The following ZXDC variants were observed in gnomAD, a reference collection of about 807,000 sequenced individuals.
ZXDC encodes zinc finger protein ZXDC.
In ZXDC, 58 loss-of-function variants were observed where a neutral mutation model predicts 63.6. The observed-to-expected ratio is 0.91, with a 90% CI of 0.74 to 1.13. The LOEUF is 1.13. Ranked by LOEUF, ZXDC falls within the 50% of genes most tolerant of loss-of-function variation. The pLI, the probability that ZXDC is intolerant of heterozygous loss-of-function variation, is 0.00. For synonymous variants in ZXDC, 561 were observed against 496.1 expected (o/e 1.13, Z -1.74); for missense variants, 1,133 against 1,148.9 (o/e 0.99, Z 0.20).
rs1933513402 is a variant in ZXDC, at chr3:126,437,793, C to T, written c.*582G>A. ...CTCCGTAATAGGCCACTGAGGTCCT[C>T]TGTCCCACCACATCATCCTCCCCCG... On this transcript the variant is annotated 3_prime_UTR_variant, in exon 10 of 10. Transcript: ENST00000389709. The T allele has an allele frequency of 6.5e-6, 1 of 153,692 alleles. No homozygotes were observed. The highest frequency in any genetic ancestry group is 2.0e-4 in the South Asian group (1 of 4,900). The allele number at this position is 153,692 out of a possible 1,614,324, so 9.5% of individuals were successfully genotyped here.
intron 7 of ZXDC, chr3:126,450,144 C>G (rs1934040726): frequency 2.8e-6 from 1 of 358,714 alleles, no homozygotes; most frequent in African/African-American, 2.1e-5. Flanking sequence ...TGCAAGGGGT[C>G]TGAGACCCTC....
intron 8 of ZXDC, 166 bp downstream of exon 8, chr3:126,441,599 T>C: frequency 7.4e-7 from 1 of 1,352,734 alleles, no homozygotes; most frequent in South Asian, 2.0e-5. Context: ...GGAGCTGGGC[T>C]GTGAGGAGAC....
Position 126,475,710 on chromosome 3 carries a change from C to A in ZXDC, c.156G>T (p.Gly52=). 7.8e-7 allele frequency: 1 copy of A among 1,282,132 alleles called. No individual in the cohort carries two copies. The highest frequency in any genetic ancestry group is 9.8e-7 in the Non-Finnish European group (1 of 1,015,822). The allele number at this position is 1,282,132 out of a possible 1,614,324, so 79.4% of individuals were successfully genotyped here. ...GCCCGGAGGCCTCCCCGGGCCGCGCCCCGGGCCCGCCATCTTCAGGGCCCC... is the reference window on the plus strand; with the variant it reads ...GCCCGGAGGCCTCCCCGGGCCGCGCACCGGGCCCGCCATCTTCAGGGCCCC... ...LVRGPEDGGP[G]ARPGEASGPS... The change falls in exon 1 of 10, where the codon GGG becomes GGT. Residue 52 remains glycine, a synonymous_variant. Transcript: ENST00000389709.
chr3:126,470,241 T>A (rs1451112488), intron 4 of ZXDC, among the ~76,000 whole-genome samples: 2 of 152,092 alleles, frequency 1.3e-5, no homozygotes, highest in Non-Finnish European at 2.9e-5. Context: ...CCAAAGTGGG[T>A]GGATCACTTG....
intron 7 of ZXDC, chr3:126,457,278 C>T (rs1934345264): frequency 1.0e-6 from 1 of 985,406 alleles, no homozygotes; most frequent in Non-Finnish European, 1.2e-6. Context: ...CGGGCAAAGG[C>T]ATCCCCGCCA....
chr3:126,456,719 AGGACC>A (rs1156597081), intron 7 of ZXDC, among the ~76,000 whole-genome samples: 1 of 152,188 alleles, frequency 6.6e-6, no homozygotes, highest in East Asian at 1.9e-4. Flanking sequence ...GGTGGTCTTG[AGGACC>A]CCCAAGCTTG....
At chr3:126,467,469 C>A (rs936324043) in intron 4 of ZXDC, among the ~76,000 whole-genome samples, 1 of 152,154 alleles carries the variant, frequency 6.6e-6, no homozygotes, top group Non-Finnish European at 1.5e-5. Context: ...ACGACGCACT[C>A]GCGGCACCTT....
intron 7 of ZXDC, chr3:126,451,418 G>A: frequency 2.0e-6 from 2 of 985,380 alleles, no homozygotes; most frequent in Non-Finnish European, 2.4e-6. Flanking sequence ...GCAGCAGCAT[G>A]TGCAGCTTCA....
chr3:126,475,351 G>C lies in ZXDC; in HGVS notation c.515C>G (p.Thr172Arg). The change falls in exon 1 of 10, where the codon ACG (threonine) becomes AGG (arginine). Residue 172 changes from threonine to arginine, a missense_variant. Thr to Arg is a moderately conservative substitution (Grantham distance 71). Transcript: ENST00000389709. ...RRAPQASGPS[T>R]PGYRCPEPQC... Reference sequence around the variant, plus strand: ...CGGCTCGGGGCAGCGGTAGCCGGGCGTGCTGGGGCCGGAGGCCTGGGGCGC... The same window carrying C: ...CGGCTCGGGGCAGCGGTAGCCGGGCCTGCTGGGGCCGGAGGCCTGGGGCGC... 6.6e-7 allele frequency: 1 copy of C among 1,506,678 alleles called. No homozygotes were observed. Among genetic ancestry groups the C allele is most frequent in the Non-Finnish European group, 8.9e-7 (1 of 1,126,452 alleles). The allele number at this position is 1,506,678 out of a possible 1,614,324, so 93.3% of individuals were successfully genotyped here.
At chr3:126,440,615 C>T in intron 8 of ZXDC, 1 of 986,448 alleles carries the variant, frequency 1.0e-6, no homozygotes, top group Non-Finnish European at 1.2e-6. Context: ...GCAGTGTTTC[C>T]TTGGATGGTC....
chr3:126,461,998 G>C lies in ZXDC; in HGVS notation c.1664C>G (p.Ala555Gly), dbSNP rs1934568871. Residue 555 changes from alanine to glycine, a missense_variant, in exon 6 of 10, where the codon GCT becomes GGT. By Grantham distance (60) the Ala-to-Gly change is moderately conservative. Transcript: ENST00000389709. ...CATCGGCCCTAGGGAGCTATTATTAGCAGGGAGGTTCCCTCCCAGAGAGGA... is the reference window on the plus strand; with the variant it reads ...CATCGGCCCTAGGGAGCTATTATTACCAGGGAGGTTCCCTCCCAGAGAGGA... ...VSSSLGGNLP[A>G]NNSSLGPMEP... The C allele has an allele frequency of 1.2e-6, 2 of 1,614,036 alleles. No individual in the cohort carries two copies. Among genetic ancestry groups the C allele is most frequent in the Non-Finnish European group, 1.7e-6 (2 of 1,180,046 alleles).
chr3:126,453,324 A>G (rs2107638745), intron 7 of ZXDC: 1 of 985,472 alleles, frequency 1.0e-6, no homozygotes, highest in Non-Finnish European at 1.2e-6. Flanking sequence ...CCTAGGGGCC[A>G]TATCCCCTTA....
At chr3:126,454,030 A>G (rs1934213234) in intron 7 of ZXDC, 3 of 762,752 alleles carry the variant, frequency 3.9e-6, no homozygotes, top group African/African-American at 3.8e-5. Context: ...TATATTATGT[A>G]TATATATAGG....
chr3:126,466,152 G>A lies in ZXDC; in HGVS notation c.1441+3C>T, dbSNP rs1375595932. ...CCCCATGGGGGCCGTGGAAAGTGCA[G>A]ACCTTGGCGCCGGCTGTGCTGTCTG... On this transcript the variant is annotated splice_donor_region_variant and intron_variant, in intron 5 of 9. Coordinates refer to ENST00000389709, the MANE Select transcript of ZXDC (RefSeq NM_025112.5). 1.2e-6 allele frequency: 2 copies of A among 1,612,238 alleles called. No homozygotes were observed. The highest frequency in any genetic ancestry group is 1.7e-6 in the Non-Finnish European group (2 of 1,178,878).
chr3:126,438,268 G>A lies in ZXDC; in HGVS notation c.*107C>T. On this transcript the variant is annotated 3_prime_UTR_variant, in exon 10 of 10. Transcript: ENST00000389709. Reference sequence around the variant, plus strand: ...CAAAAGTCTCAAAAGGGCTACGCTGGTCTTCTGAACGGAAACCAAATGAGG... The same window carrying A: ...CAAAAGTCTCAAAAGGGCTACGCTGATCTTCTGAACGGAAACCAAATGAGG... 1 of 894,600 alleles carries A rather than the reference G, an allele frequency of 1.1e-6. No homozygotes were observed. The highest frequency in any genetic ancestry group is 1.8e-6 in the Non-Finnish European group (1 of 554,156). The allele number at this position is 894,600 out of a possible 1,614,324, so 55.4% of individuals were successfully genotyped here.
At chr3:126,451,081 C>A (rs1308927169) in intron 7 of ZXDC, 2 of 980,254 alleles carry the variant, frequency 2.0e-6, no homozygotes, top group Non-Finnish European at 2.4e-6. Flanking sequence ...CTCAGGCCCA[C>A]CAGGCCACCC....
In ZXDC at chr3:126,441,463, G is replaced by A. The variant is rs1026035984; in HGVS notation, c.2394+302C>T. On this transcript the variant is annotated intron_variant, in intron 8 of 9. Coordinates refer to ENST00000389709, the MANE Select transcript of ZXDC (RefSeq NM_025112.5). ...GCTGCAAAACAGCCCTGGGGGCCTC[G>A]GGCAGGGAGGCGGGCTACTCTGGGG... 31 of 1,175,840 alleles carry A rather than the reference G, an allele frequency of 2.6e-5. 2 individuals carry two copies. In the Admixed American group the frequency reaches 5.5e-4, roughly 21 times the overall value. The allele number at this position is 1,175,840 out of a possible 1,614,324, so 72.8% of individuals were successfully genotyped here. A position where few individuals can be genotyped will look rare whatever the true frequency, so the allele number is the denominator to read the frequency against.
At position 126,475,670 on chromosome 3, in the gene ZXDC, C is replaced by T. The variant is rs764157817; in HGVS notation, c.196G>A (p.Ala66Thr). 1 of 1,413,338 alleles carries T rather than the reference C, an allele frequency of 7.1e-7. No individual in the cohort carries two copies. Among genetic ancestry groups the T allele is most frequent in the Non-Finnish European group, 9.3e-7 (1 of 1,079,834 alleles). The allele number at this position is 1,413,338 out of a possible 1,614,324, so 87.5% of individuals were successfully genotyped here. A position where few individuals can be genotyped will look rare whatever the true frequency, so the allele number is the denominator to read the frequency against. Residue 66 changes from alanine (A) to threonine (T), a missense_variant, in exon 1 of 10, where the codon GCC (alanine) becomes ACC (threonine). Transcript: ENST00000389709. ...GAGTCGCCGTCGCTGTCGTCCTCGGCGGGCGGCGGGCTTGGCCCGGAGGCC... is the reference window on the plus strand; with the variant it reads ...GAGTCGCCGTCGCTGTCGTCCTCGGTGGGCGGCGGGCTTGGCCCGGAGGCC... ...GEASGPSPPP[A>T]EDDSDGDSFL... is the part of the protein sequence containing the mutation.
chr3:126,458,830 G>T, intron 7 of ZXDC: 1 of 985,326 alleles, frequency 1.0e-6, no homozygotes, highest in Non-Finnish European at 1.2e-6. Context: ...AACTGTTGAG[G>T]TGTCCCTTCC....
Sources: gnomAD v4.1 joint callset for allele counts (sites outside exome capture counted in the v4.1 genomes callset) on GRCh38, gnomAD v4.1.1 for gene constraint, MANE v1.5 for transcripts, NCBI Gene and HGNC (gene_info 2026-07-23, HGNC 2026-07-21) for gene names.